Variants in SLC44A2 observed in about 807,000 individuals in gnomAD.
SLC44A2 encodes the protein choline transporter-like protein 2.
Under a neutral mutation model 90.8 loss-of-function variants are expected in SLC44A2, and 57 were observed. That is an observed-to-expected ratio of 0.63 (90% CI 0.51 to 0.78). The LOEUF (loss-of-function observed/expected upper bound fraction) is 0.78, where lower values mean the gene tolerates loss of function less well. SLC44A2 is among the 30% of genes least tolerant of loss of function. SLC44A2 has a pLI of 0.00. For synonymous variants in SLC44A2, 355 were observed against 360.7 expected (o/e 0.98, Z 0.18); for missense variants, 794 against 919.7 (o/e 0.86, Z 1.77).
exon 1 of SLC44A2, chr19:10,602,555 G>T: frequency 7.8e-7 from 1 of 1,276,824 alleles, no homozygotes; most frequent in South Asian, 2.9e-5. Flanking sequence ...GAAAAACGGA[G>T]CCTACGGTAG....
chr19:10,628,797 TAG>T (rs1469045539), intron 4 of SLC44A2, among the ~76,000 whole-genome samples: 2 of 152,110 alleles, frequency 1.3e-5, no homozygotes, highest in Non-Finnish European at 2.9e-5. Flanking sequence ...CTCTGTGACC[TAG>T]GGCAGGTGTC....
chr19:10,603,439 CTT>C (rs1049110365), intron 1 of SLC44A2, among the ~76,000 whole-genome samples: 1 of 152,230 alleles, frequency 6.6e-6, no homozygotes, highest in African/African-American at 2.4e-5. Flanking sequence ...TCGCGCCCCT[CTT>C]TGTGTGACAA....
At chr19:10,622,364 C>T (rs1245372331), upstream of SLC44A2, among the ~76,000 whole-genome samples, 1 of 152,148 alleles carries the variant, frequency 6.6e-6, no homozygotes, top group East Asian at 1.9e-4. Flanking sequence ...CTGAGCAGAG[C>T]AGGGATGTGT....
chr19:10,613,137 A>G (rs1918355952), intron 1 of SLC44A2, among the ~76,000 whole-genome samples: 2 of 152,270 alleles, frequency 1.3e-5, no homozygotes, highest in South Asian at 2.1e-4. Flanking sequence ...AGCTCACTGC[A>G]GCCTCTGCCT....
In SLC44A2 at chr19:10,631,060, C is replaced by T; in HGVS notation, c.249C>T (p.Asn83=). The T allele has an allele frequency of 6.2e-7, 1 of 1,611,132 alleles. No individual in the cohort carries two copies. Among genetic ancestry groups the T allele is most frequent in the Non-Finnish European group, 8.5e-7 (1 of 1,178,086 alleles). ...ATTCTCCCTTCTCTAACTCCAGGAA[C>T]AAACCCTATCTGTTTTATTTCAACA... is the stretch of plus-strand genomic sequence containing the variant. ...FCGQKGTKNE[N]KPYLFYFNIV... The change falls in exon 5 of 22, where the codon AAC becomes AAT. Residue 83 remains asparagine, a synonymous_variant. Transcript: ENST00000335757.
chr19:10,629,672 G>A (rs954060353), intron 4 of SLC44A2, among the ~76,000 whole-genome samples: 2 of 151,956 alleles, frequency 1.3e-5, no homozygotes, highest in Admixed American at 6.6e-5. Flanking sequence ...GGAACTCCTG[G>A]GCTTAAGCGA....
chr19:10,635,256 G>A lies in SLC44A2; in HGVS notation c.1148+1G>A. On this transcript the variant is annotated splice_donor_variant, in intron 13 of 21. Transcript: ENST00000335757. LOFTEE classifies it high-confidence loss of function. ...TCGCCTACTGGGCCAGCACTGCTGT[G>A]TATCTGCCCCCAGACACTGATCTCT... 3 of 1,613,964 alleles carry A rather than the reference G, an allele frequency of 1.9e-6. No individual in the cohort carries two copies. The highest frequency in any genetic ancestry group is 1.7e-6 in the Non-Finnish European group (2 of 1,180,012).
chr19:10,641,525 A>G (rs1201261234), intron 20 of SLC44A2: 2 of 399,360 alleles, frequency 5.0e-6, no homozygotes, highest in Non-Finnish European at 9.8e-6. Context: ...TTAAGTCAGG[A>G]CAATAGCACA....
Position 10,636,586 on chromosome 19 carries a change from G to A in SLC44A2, c.1496+1G>A, listed in dbSNP as rs1198962752. Reference sequence around the variant, plus strand: ...TCTCTGCCTTTGGCCGGGCGCTCAGGTGGGCTGGCGTTGCAGGCAGGATGG... The same window carrying A: ...TCTCTGCCTTTGGCCGGGCGCTCAGATGGGCTGGCGTTGCAGGCAGGATGG... On this transcript the variant is annotated splice_donor_variant, in intron 15 of 21. Transcript: ENST00000335757. LOFTEE classifies it high-confidence loss of function. The A allele has an allele frequency of 1.2e-6, 2 of 1,604,222 alleles. No individual in the cohort carries two copies. The highest frequency in any genetic ancestry group is 1.3e-5 in the African/African-American group (1 of 74,922).
At position 10,631,374 on chromosome 19, in the gene SLC44A2, A is replaced by C. The variant is rs776783598; in HGVS notation, c.430A>C (p.Lys144Gln). 26 of 1,614,066 alleles carry C rather than the reference A, an allele frequency of 1.6e-5. No homozygotes were observed. The highest frequency in any genetic ancestry group is 3.3e-5 in the Admixed American group (2 of 59,986). ...TAAGCAGTTCTGTGTTCCTGGCTTC[A>C]AGAACAATAAAGTGAGTTGTAGACT... ...YYKQFCVPGFKNNKGVAEVLQ... is the reference protein window; with the variant it reads ...YYKQFCVPGFQNNKGVAEVLQ... Residue 144 changes from lysine to glutamine, a missense_variant, in exon 6 of 22, where the codon AAG becomes CAG. Around this residue, in one of 3 missense-constraint regions of SLC44A2, gnomAD observed 738 missense variants for 841.1 expected, o/e 0.88. Coordinates refer to ENST00000335757, the MANE Select transcript of SLC44A2 (RefSeq NM_020428.4).
At chr19:10,611,562 T>C (rs982764013) in intron 1 of SLC44A2, among the ~76,000 whole-genome samples, 1 of 146,534 alleles carries the variant, frequency 6.8e-6, no homozygotes, top group Non-Finnish European at 1.5e-5. Context: ...TTCACTCCTA[T>C]AATCCCAGCT....
At chr19:10,638,536 C>T (rs766626553) in intron 20 of SLC44A2, among the ~76,000 whole-genome samples, 3 of 152,148 alleles carry the variant, frequency 2.0e-5, no homozygotes, top group Non-Finnish European at 2.9e-5. Flanking sequence ...CTCTGCCTTC[C>T]GGGTTCAAGC....
At chr19:10,629,217 A>AT (rs1256630733) in intron 4 of SLC44A2, among the ~76,000 whole-genome samples, 1 of 150,876 alleles carries the variant, frequency 6.6e-6, no homozygotes, top group Non-Finnish European at 1.5e-5. Flanking sequence ...AAAAAAAAAA[A>AT]GAATGGCACC....
At chr19:10,639,814 G>A (rs1176021094) in intron 20 of SLC44A2, among the ~76,000 whole-genome samples, 1 of 152,106 alleles carries the variant, frequency 6.6e-6, no homozygotes, top group Non-Finnish European at 1.5e-5. Context: ...CTGGGAGGCA[G>A]AGGTTTCAGT....
At chr19:10,615,742 A>G (rs2066850171) in intron 1 of SLC44A2, among the ~76,000 whole-genome samples, 1 of 152,168 alleles carries the variant, frequency 6.6e-6, no homozygotes, top group African/African-American at 2.4e-5. Context: ...CTGTCCAAAC[A>G]TTGACTTGGG....
At chr19:10,643,133 A>G in intron 21 of SLC44A2, 146 bp from the exon 22 acceptor site, 2 of 1,452,330 alleles carry the variant, frequency 1.4e-6, no homozygotes, top group East Asian at 2.5e-5. Flanking sequence ...CTCGGAGCCC[A>G]CTACAGTCTG....
chr19:10,643,623 C>T lies in SLC44A2; in HGVS notation c.*238C>T, dbSNP rs937830861. 1 of 398,232 alleles carries T rather than the reference C, an allele frequency of 2.5e-6. No homozygotes were observed. Among genetic ancestry groups the T allele is most frequent in the Non-Finnish European group, 4.5e-6 (1 of 219,788 alleles). 24.7% of individuals were successfully genotyped at this position (398,232 alleles called of 1,614,324 possible). A position where few individuals can be genotyped will look rare whatever the true frequency, so the allele number is the denominator to read the frequency against. ...CCAGACTGCGAGAAACAAGTAAAAA[C>T]CCATTGGGGCCTCTTGATGTCTGGG... On this transcript the variant is annotated 3_prime_UTR_variant, in exon 22 of 22. Transcript: ENST00000335757.
chr19:10,632,823 C>T (rs1427171709), intron 10 of SLC44A2, among the ~76,000 whole-genome samples: 1 of 151,814 alleles, frequency 6.6e-6, no homozygotes, highest in Non-Finnish European at 1.5e-5. Flanking sequence ...CAGGCATGCA[C>T]CTCCATGCCC....
At chr19:10,603,559 A>C (rs1161567370) in intron 1 of SLC44A2, among the ~76,000 whole-genome samples, 1 of 152,192 alleles carries the variant, frequency 6.6e-6, no homozygotes, top group African/African-American at 2.4e-5. Context: ...CCCTGCCCCC[A>C]GGGACTGTAT....
Sources: allele counts gnomAD v4.1 joint callset (sites outside exome capture counted in the v4.1 genomes callset), GRCh38; gene constraint gnomAD v4.1.1; regional missense constraint gnomAD v4.1.1; transcripts MANE v1.5; gene names NCBI Gene and HGNC (gene_info 2026-07-23, HGNC 2026-07-21).